CCNG2: variants seen among roughly 807,000 people sequenced by gnomAD.
CCNG2 encodes the protein cyclin-G2.
A neutral mutation model predicts 36.5 loss-of-function variants in CCNG2; 20 were observed. That is an observed-to-expected ratio of 0.55 (90% CI 0.39 to 0.80). The LOEUF (loss-of-function observed/expected upper bound fraction) is 0.80, where lower values mean the gene tolerates loss of function less well. Ranked by LOEUF, CCNG2 falls within the 30% of genes least tolerant of loss-of-function variation. The pLI is 0.00. For synonymous variants in CCNG2, 155 were observed against 140.1 expected, an observed-to-expected ratio of 1.11 and a Z score of -0.75; for missense variants, 358 against 390.8, an observed-to-expected ratio of 0.92 and a Z score of 0.71.
chr4:77,167,855 ATAT>A lies in CCNG2; in HGVS notation c.*1934_*1936del, dbSNP rs1346972468. ...ATGACCTTTCCTCTCTTACTAAATA[ATAT>A]TAGTAAATAGTGGGCAATATATTCT... is the stretch of plus-strand genomic sequence containing the variant. On this transcript the variant is annotated 3_prime_UTR_variant, in exon 8 of 8. Transcript: ENST00000316355. The A allele has an allele frequency of 2.0e-5, 3 of 152,170 alleles. No homozygotes were observed. Among genetic ancestry groups the A allele is most frequent in the Non-Finnish European group, 4.4e-5 (3 of 68,030 alleles). 9.4% of individuals were successfully genotyped at this position (152,170 alleles called of 1,614,324 possible). A position where few individuals can be genotyped will look rare whatever the true frequency, so the allele number is the denominator to read the frequency against.
chr4:77,160,836 G>GT lies in CCNG2; in HGVS notation c.393dup (p.Lys132Ter). 1 of 1,614,012 alleles carries GT rather than the reference G, an allele frequency of 6.2e-7. No homozygotes were observed. The highest frequency in any genetic ancestry group is 8.5e-7 in the Non-Finnish European group (1 of 1,179,970). Reference sequence around the variant, plus strand: ...CATGATGTGATCCGGATTAGTCAGTGTAAATGTACTGCTTCTGACATAAAA... The same window carrying GT: ...CATGATGTGATCCGGATTAGTCAGTGTTAAATGTACTGCTTCTGACATAAAA... On this transcript the variant is annotated frameshift_variant, in exon 4 of 8. Coordinates refer to ENST00000316355, the MANE Select transcript of CCNG2 (RefSeq NM_004354.3). LOFTEE classifies it high-confidence loss of function.
rs760002895 is a variant in CCNG2, at chr4:77,160,733, C to T, written c.289C>T (p.His97Tyr). 5.0e-6 allele frequency: 8 copies of T among 1,612,224 alleles called. No individual in the cohort carries two copies. The African/African-American group carries it at 9.4e-5, about 19-fold the overall frequency. The part of the protein sequence containing the change: ...FLALMKVKPK[H>Y]LSCIGVCSFL... Reference sequence around the variant, plus strand: ...GTTTTTTTCTCAGGTGAAACCTAAACATTTGTCTTGCATTGGAGTCTGTTC... The same window carrying T: ...GTTTTTTTCTCAGGTGAAACCTAAATATTTGTCTTGCATTGGAGTCTGTTC... The change falls in exon 4 of 8, where the codon CAT (histidine) becomes TAT (tyrosine). Residue 97 changes from histidine (H) to tyrosine (Y), a missense_variant. Transcript: ENST00000316355.
intron 6 of CCNG2, among the ~76,000 whole-genome samples, chr4:77,163,143 CATG>C (rs1179918717): frequency 6.6e-6 from 1 of 152,078 alleles, no homozygotes; most frequent in Non-Finnish European, 1.5e-5. Context: ...TGGAATTTCT[CATG>C]AAGAAGCAGT....
At chr4:77,165,435 T>TC (rs1043064011) in intron 7 of CCNG2, among the ~76,000 whole-genome samples, 2 of 151,642 alleles carry the variant, frequency 1.3e-5, no homozygotes, top group East Asian at 1.9e-4. Context: ...TTTCTTTCTT[T>TC]TTTTTTTTGC....
chr4:77,165,379 G>C (rs1226547559), intron 7 of CCNG2, among the ~76,000 whole-genome samples: 1 of 151,410 alleles, frequency 6.6e-6, no homozygotes, highest in Non-Finnish European at 1.5e-5. Context: ...TAATAGTTTG[G>C]CAAATAGTAA....
At chr4:77,161,612 T>C in intron 5 of CCNG2, 37 bp from the exon 6 acceptor site, 1 of 1,568,112 alleles carries the variant, frequency 6.4e-7, no homozygotes, top group Non-Finnish European at 8.6e-7. Flanking sequence ...TTTGAATTTT[T>C]AAAAAATATT....
intron 6 of CCNG2, 46 bp from the exon 7 acceptor site, chr4:77,164,228 G>T (rs758770961): frequency 1.4e-6 from 2 of 1,442,284 alleles, no homozygotes; most frequent in South Asian, 2.3e-5. Flanking sequence ...GGTGCAGCAA[G>T]ATTTGGGAGA....
rs1215975992 is a variant in CCNG2, at chr4:77,159,501, G to T, written c.273G>T (p.Met91Ile). The change falls in exon 3 of 8, where the codon ATG (methionine) becomes ATT (isoleucine). Residue 91 changes from methionine to isoleucine, a missense_variant. Physicochemically the swap from Met to Ile is conservative, Grantham distance 10. Coordinates refer to ENST00000316355, the MANE Select transcript of CCNG2 (RefSeq NM_004354.3). Reference protein sequence around the residue: ...VNILDRFLALMKVKPKHLSCI... With the variant: ...VNILDRFLALIKVKPKHLSCI... ...TTTTGGACAGGTTCTTGGCTCTTAT[G>T]AAGGTATTTCATCATTTTTATAAAT... is the stretch of plus-strand genomic sequence containing the variant. 4 of 1,611,284 alleles carry T rather than the reference G, an allele frequency of 2.5e-6. No individual in the cohort carries two copies. The South Asian group carries it at 4.4e-5, about 18-fold the overall frequency.
intron 6 of CCNG2, among the ~76,000 whole-genome samples, chr4:77,163,784 T>C (rs1731550273): frequency 6.6e-6 from 1 of 152,244 alleles, no homozygotes; most frequent in Admixed American, 6.5e-5. Flanking sequence ...CACTAACTTC[T>C]TTAGTTTTGT....
At chr4:77,157,995 C>T (rs893596451) in intron 1 of CCNG2, among the ~76,000 whole-genome samples, 6 of 151,976 alleles carry the variant, frequency 3.9e-5, no homozygotes, top group African/African-American at 1.2e-4. Flanking sequence ...GGCGCTGCAG[C>T]AGCGGACGGG....
At chr4:77,163,683 G>A (rs1577907365) in intron 6 of CCNG2, among the ~76,000 whole-genome samples, 1 of 152,086 alleles carries the variant, frequency 6.6e-6, no homozygotes, top group Admixed American at 6.6e-5. Context: ...AAAAAAATAC[G>A]TAAAAAGAAA....
chr4:77,160,970 A>G lies in CCNG2; in HGVS notation c.526A>G (p.Arg176Gly), dbSNP rs756035425. 8 of 1,597,924 alleles carry G rather than the reference A, an allele frequency of 5.0e-6. No individual in the cohort carries two copies. Among genetic ancestry groups the G allele is most frequent in the Non-Finnish European group, 6.0e-6 (7 of 1,175,934 alleles). ...TATTATACTTTGTCATACTTCAGAA[A>G]GGTCAGTGGGATTAAAGATACATTT... The part of the protein sequence containing the change: ...HTIILCHTSE[R>G]KEILSLDKLE... The change falls in exon 4 of 8, where the codon AGG becomes GGG. Residue 176 changes from arginine (R) to glycine (G), a missense_variant and splice_region_variant. Coordinates refer to ENST00000316355, the MANE Select transcript of CCNG2 (RefSeq NM_004354.3).
rs1045025038 is a variant in CCNG2, at chr4:77,169,134, A to C, written c.*3210A>C. 3.3e-5 allele frequency: 5 copies of C among 151,762 alleles called. No homozygotes were observed. Among genetic ancestry groups the C allele is most frequent in the African/African-American group, 1.2e-4 (5 of 41,296 alleles). The allele number at this position is 151,762 out of a possible 1,614,324, so 9.4% of individuals were successfully genotyped here. Reference sequence around the variant, plus strand: ...TGTAGAGAGGCATTGGCTTCAGAACACTCCTCGTGACAATTTTAACCATTT... The same window carrying C: ...TGTAGAGAGGCATTGGCTTCAGAACCCTCCTCGTGACAATTTTAACCATTT... On this transcript the variant is annotated 3_prime_UTR_variant, in exon 8 of 8. Transcript: ENST00000316355.
chr4:77,166,308 A>G lies in CCNG2; in HGVS notation c.*384A>G, dbSNP rs930044238. On this transcript the variant is annotated 3_prime_UTR_variant, in exon 8 of 8. Transcript: ENST00000316355. ...TCTTTAAGCAGATTGGAAGTATGCA[A>G]GTGCTTCCTTAGCAGGGACAGTGGA... is the stretch of plus-strand genomic sequence containing the variant. 7 of 154,272 alleles carry G rather than the reference A, an allele frequency of 4.5e-5. No individual in the cohort carries two copies. The highest frequency in any genetic ancestry group is 1.7e-4 in the African/African-American group (7 of 41,500). 9.6% of individuals were successfully genotyped at this position (154,272 alleles called of 1,614,324 possible).
chr4:77,160,091 C>T (rs1027208288), intron 3 of CCNG2, among the ~76,000 whole-genome samples: 5 of 152,074 alleles, frequency 3.3e-5, no homozygotes, highest in Admixed American at 2.0e-4. Flanking sequence ...CTGCACAACT[C>T]GTGATATTTC....
chr4:77,160,182 T>C (rs1731388599), intron 3 of CCNG2, among the ~76,000 whole-genome samples: 1 of 105,614 alleles, frequency 9.5e-6, no homozygotes. Context: ...TATTTTAATA[T>C]CCCAGTACAT....
rs528594940 is a variant in CCNG2, at chr4:77,166,601, A to G, written c.*677A>G. 4 of 152,310 alleles carry G rather than the reference A, an allele frequency of 2.6e-5. No homozygotes were observed. The highest frequency in any genetic ancestry group is 9.6e-5 in the African/African-American group (4 of 41,570). 9.4% of individuals were successfully genotyped at this position (152,310 alleles called of 1,614,324 possible). A position where few individuals can be genotyped will look rare whatever the true frequency, so the allele number is the denominator to read the frequency against. ...CATTCCTATTGCCCAAGTATTGTCA[A>G]ACTATGGTATTATTTTAATGTTACT... On this transcript the variant is annotated 3_prime_UTR_variant, in exon 8 of 8. Coordinates refer to ENST00000316355, the MANE Select transcript of CCNG2 (RefSeq NM_004354.3).
chr4:77,158,695 G>GCT lies in CCNG2; in HGVS notation c.138+27_138+28dup, dbSNP rs4150053. 9,626 of 1,613,348 alleles carry GCT rather than the reference G, an allele frequency of 6.0e-3. 249 individuals carry two copies. In the African/African-American group the frequency reaches 0.073, roughly 12 times the overall value. ...GGTAAGTTGGCAGAAAAGATAACTT[G>GCT]CTCAAGCAGCTGATGGGGCTTGGAG... On this transcript the variant is annotated intron_variant, in intron 2 of 7. Coordinates refer to ENST00000316355, the MANE Select transcript of CCNG2 (RefSeq NM_004354.3).
At chr4:77,161,099 C>CTTTTTTTT (rs34505988) in intron 4 of CCNG2, 128 bp downstream of exon 4, 6,804 of 305,870 alleles carry the variant, frequency 0.022, 235 homozygotes, top group African/African-American at 0.052. Flanking sequence ...ATTGGTAAAT[C>CTTTTTTTT]TTTTTTTTTT....
Sources: gnomAD v4.1 joint callset for allele counts (sites outside exome capture counted in the v4.1 genomes callset) on GRCh38, gnomAD v4.1.1 for gene constraint, MANE v1.5 for transcripts, NCBI Gene and HGNC (gene_info 2026-07-23, HGNC 2026-07-21) for gene names.